Variants in NRXN3 observed in about 807,000 individuals in gnomAD.
NRXN3 encodes neurexin 3.
In NRXN3, 32 loss-of-function variants were observed where a neutral mutation model predicts 137.6. The observed-to-expected ratio is 0.23, with a 90% CI of 0.18 to 0.31. The LOEUF (loss-of-function observed/expected upper bound fraction) is 0.31. Ranked by LOEUF, NRXN3 falls within the 10% of genes least tolerant of loss-of-function variation. NRXN3 has a pLI of 1.00. For missense variants in NRXN3, 1,574 were observed against 2,062.5 expected, an observed-to-expected ratio of 0.76 and a Z score of 4.59; for synonymous variants, 798 against 784.5, an observed-to-expected ratio of 1.02 and a Z score of -0.29.
chr14:79,826,364 T>C (rs771723020), intron 20 of NRXN3, among the ~76,000 whole-genome samples: 3 of 152,194 alleles, frequency 2.0e-5, no homozygotes, highest in Non-Finnish European at 4.4e-5. Flanking sequence ...GAATAGTATA[T>C]GGAATTCGTT....
rs1224283727 is a variant in NRXN3 at position 78,243,269 on chromosome 14, T to C, written c.176T>C (p.Val59Ala). The change falls in exon 2 of 21, where the codon GTC (valine) becomes GCC (alanine). Residue 59 changes from valine (V) to alanine (A), a missense_variant. Val to Ala is a moderately conservative substitution (Grantham distance 64). Around this residue, in one of 5 missense-constraint regions of NRXN3, gnomAD observed 400 missense variants for 527.3 expected, o/e 0.76. Transcript: ENST00000335750. This position sits in a 1 kb window ranked among gnomAD's most constrained non-coding sequence, Gnocchi z 4.2. Reference sequence around the variant, plus strand: ...CTGAGTTTCCAGTTCAAGACCAACGTCTCTACGGGGCTGCTCCTCTACCTG... The same window carrying C: ...CTGAGTTTCCAGTTCAAGACCAACGCCTCTACGGGGCTGCTCCTCTACCTG... ...SDLSFQFKTNVSTGLLLYLDD... is the reference protein window; with the variant it reads ...SDLSFQFKTNASTGLLLYLDD... The C allele has an allele frequency of 1.9e-6, 3 of 1,560,908 alleles. No individual in the cohort carries two copies. The highest frequency in any genetic ancestry group is 2.7e-5 in the African/African-American group (2 of 74,054).
intron 8 of NRXN3, among the ~76,000 whole-genome samples, chr14:78,739,213 C>T (rs1265440093): frequency 6.6e-6 from 1 of 152,198 alleles, no homozygotes; most frequent in Non-Finnish European, 1.5e-5. Context: ...TACTTTCTTC[C>T]TACATATCAA....
At chr14:79,762,877 T>A (rs2099043487) in intron 19 of NRXN3, among the ~76,000 whole-genome samples, 2 of 151,726 alleles carry the variant, frequency 1.3e-5, no homozygotes, top group Admixed American at 6.5e-5. Context: ...TTCAATTTTT[T>A]AAAAATTATA....
chr14:78,886,832 G>T (rs892215946), intron 10 of NRXN3, among the ~76,000 whole-genome samples: 3 of 152,106 alleles, frequency 2.0e-5, no homozygotes, highest in Admixed American at 1.3e-4. Flanking sequence ...TGCCCCAATG[G>T]CCCAGGCTGT....
intron 15 of NRXN3, among the ~76,000 whole-genome samples, chr14:79,096,673 A>G (rs181999172): frequency 1.2e-4 from 18 of 151,754 alleles, no homozygotes; most frequent in African/African-American, 4.3e-4. Flanking sequence ...ATTCTCTGTG[A>G]CCCAATCGCC....
At chr14:79,404,944 G>T (rs1818235398) in intron 15 of NRXN3, among the ~76,000 whole-genome samples, 2 of 152,158 alleles carry the variant, frequency 1.3e-5, no homozygotes. Context: ...AGAGAAGCCA[G>T]TGGGTGGTGG....
chr14:79,442,407 A>G (rs552791983), intron 15 of NRXN3, among the ~76,000 whole-genome samples: 22 of 152,346 alleles, frequency 1.4e-4, no homozygotes, highest in Non-Finnish European at 3.1e-4. Flanking sequence ...ACCAGGGCTC[A>G]TAATAATAAT....
At chr14:79,427,344 C>T (rs551948991) in intron 15 of NRXN3, among the ~76,000 whole-genome samples, 11 of 152,226 alleles carry the variant, frequency 7.2e-5, no homozygotes, top group East Asian at 3.9e-4. Context: ...CAACTTTCCT[C>T]GCAAGGTTTG....
chr14:79,070,205 G>A (rs141361123), intron 15 of NRXN3, among the ~76,000 whole-genome samples: 22 of 152,232 alleles, frequency 1.4e-4, no homozygotes, highest in African/African-American at 4.6e-4. Context: ...GTCAGTTTCC[G>A]TAATGCCCTT....
chr14:79,401,372 C>G (rs981987342), intron 15 of NRXN3, among the ~76,000 whole-genome samples: 2 of 152,044 alleles, frequency 1.3e-5, no homozygotes, highest in Non-Finnish European at 2.9e-5. Context: ...GCAGCACCAG[C>G]ATCACCAGGG....
chr14:78,478,272 G>C (rs1468904310), intron 4 of NRXN3, among the ~76,000 whole-genome samples: 3 of 152,134 alleles, frequency 2.0e-5, no homozygotes, highest in Non-Finnish European at 2.9e-5. Flanking sequence ...TTAAGCACTA[G>C]ATACTGCAGT....
rs1436155416 is a variant in NRXN3, at chr14:79,642,437, C to T, written c.3445-21341C>T. On this transcript the variant is annotated intron_variant, in intron 16 of 20. Coordinates refer to ENST00000335750, the MANE Select transcript of NRXN3 (RefSeq NM_001330195.2). ...TTCGTTGAGATTTTTTCTCTGTTTCCAAGTCTCTTCACAGCATTTGTATTC... is the reference window on the plus strand; with the variant it reads ...TTCGTTGAGATTTTTTCTCTGTTTCTAAGTCTCTTCACAGCATTTGTATTC... 2.2e-5 allele frequency among the ~76,000 whole-genome samples: 3 copies of T among 135,310 alleles called. 1 individual carries two copies. The highest frequency in any genetic ancestry group is 7.4e-5 in the African/African-American group (3 of 40,714). 88.8% of individuals were successfully genotyped at this position (135,310 alleles called of 152,430 possible).
chr14:79,167,411 C>T (rs2061380430), intron 15 of NRXN3, among the ~76,000 whole-genome samples: 1 of 151,848 alleles, frequency 6.6e-6, no homozygotes, highest in Non-Finnish European at 1.5e-5. Context: ...GTCTTCTCTC[C>T]CTAGCTGTCT....
At chr14:79,600,894 C>CAAGGG (rs376656768) in intron 16 of NRXN3, among the ~76,000 whole-genome samples, 7 of 150,150 alleles carry the variant, frequency 4.7e-5, no homozygotes, top group South Asian at 2.1e-4. Flanking sequence ...GGAAGGAAGA[C>CAAGGG]AAGGGAAGGG....
intron 8 of NRXN3, among the ~76,000 whole-genome samples, chr14:78,732,398 A>G (rs2098520362): frequency 6.6e-6 from 1 of 152,160 alleles, no homozygotes. Flanking sequence ...ACTACCTGAT[A>G]TTTTGTTATC....
rs540255057 is a variant in NRXN3, at chr14:78,304,586, CCTT to C, written c.757+6731_757+6733del. 8.3e-4 allele frequency among the ~76,000 whole-genome samples: 126 copies of C among 152,214 alleles called. 1 individual carries two copies. The highest frequency in any genetic ancestry group is 1.4e-3 in the Non-Finnish European group (92 of 68,010). ...TTTAAGTGTTGAGAGTATATTTTGG[CCTT>C]CTTCCCCTTCTTCTAGTCCATTTAG... On this transcript the variant is annotated intron_variant, in intron 4 of 20. Transcript: ENST00000335750.
intron 10 of NRXN3, among the ~76,000 whole-genome samples, chr14:78,833,095 A>G (rs1237090867): frequency 6.6e-6 from 1 of 152,168 alleles, no homozygotes; most frequent in East Asian, 1.9e-4. Flanking sequence ...AGAGTTGCTC[A>G]AGTTAGTCAT....
At chr14:79,814,618 G>C (rs1490856071) in intron 20 of NRXN3, among the ~76,000 whole-genome samples, 1 of 152,078 alleles carries the variant, frequency 6.6e-6, no homozygotes. Flanking sequence ...TGATTAAATG[G>C]GCTTACTGTT....
At chr14:79,023,704 C>T (rs980870882) in intron 15 of NRXN3, among the ~76,000 whole-genome samples, 8 of 152,014 alleles carry the variant, frequency 5.3e-5, no homozygotes, top group African/African-American at 1.7e-4. Context: ...GGAGAAGTGC[C>T]GAGCAAAGGG....
Sources: allele counts gnomAD v4.1 joint callset (sites outside exome capture counted in the v4.1 genomes callset), GRCh38; gene constraint gnomAD v4.1.1; regional missense constraint gnomAD v4.1.1; non-coding constraint Gnocchi (gnomAD v3.1); transcripts MANE v1.5; gene names NCBI Gene and HGNC (gene_info 2026-07-23, HGNC 2026-07-21).